ZNF783: variants seen among roughly 807,000 people sequenced by gnomAD.
The protein encoded by ZNF783 is zinc finger protein 783.
A neutral mutation model predicts 31.3 loss-of-function variants in ZNF783; 25 were observed. The observed-to-expected ratio is 0.80, with a 90% CI of 0.58 to 1.11. ZNF783 has a LOEUF of 1.11. ZNF783 is among the 50% of genes most tolerant of loss of function. The pLI is 0.00. For missense variants in ZNF783, 797 were observed against 760.0 expected, an observed-to-expected ratio of 1.05 and a Z score of -0.57; for synonymous variants, 369 against 319.1, an observed-to-expected ratio of 1.16 and a Z score of -1.66.
At chr7:149,279,565 G>C (rs1797410945) in intron 5 of ZNF783, among the ~76,000 whole-genome samples, 1 of 152,056 alleles carries the variant, frequency 6.6e-6, no homozygotes, top group Non-Finnish European at 1.5e-5. Flanking sequence ...CCAGCAGCCG[G>C]TGTTGGGAGA....
At chr7:149,263,658 A>C (rs911944846) in intron 1 of ZNF783, among the ~76,000 whole-genome samples, 8 of 152,010 alleles carry the variant, frequency 5.3e-5, no homozygotes, top group African/African-American at 1.7e-4. Flanking sequence ...CAGATTTTAG[A>C]ATCTTGGTTT....
intron 4 of ZNF783, chr7:149,276,377 AG>A: frequency 1.0e-6 from 1 of 988,628 alleles, no homozygotes; most frequent in Non-Finnish European, 1.2e-6. Context: ...GAAACTTCAG[AG>A]GATGATCCAC....
chr7:149,269,298 C>G (rs959114916), intron 4 of ZNF783, among the ~76,000 whole-genome samples: 2 of 152,124 alleles, frequency 1.3e-5, no homozygotes, highest in Non-Finnish European at 2.9e-5. Context: ...GATTTAAGTT[C>G]CTTATAGATG....
Position 149,278,502 on chromosome 7 carries a change from A to G in ZNF783, c.777A>G (p.Arg259=), listed in dbSNP as rs1167137615. Residue 259 remains arginine (R), a synonymous_variant, in exon 5 of 6, where the codon AGA becomes AGG. Transcript: ENST00000434415. ...APKQQQDSEA[R]VAPAGPEAGG... ...AGCAGCAGCAGGACTCAGAGGCGAG[A>G]GTGGCCCCAGCCGGGCCAGAAGCAG... 6.3e-7 allele frequency: 1 copy of G among 1,599,270 alleles called. No individual in the cohort carries two copies. Among genetic ancestry groups the G allele is most frequent in the Admixed American group, 1.7e-5 (1 of 60,002 alleles).
At chr7:149,265,160 C>T (rs185333353) in intron 1 of ZNF783, among the ~76,000 whole-genome samples, 295 of 152,260 alleles carry the variant, frequency 1.9e-3, no homozygotes, top group Non-Finnish European at 3.1e-3. Flanking sequence ...GGTGATTTAA[C>T]CATGAAGGAT....
Position 149,269,636 on chromosome 7 carries a change from A to G in ZNF783, c.673+2414A>G, listed in dbSNP as rs1428854222. Among the ~76,000 whole-genome samples, 9 of 152,260 alleles carry G rather than the reference A, an allele frequency of 5.9e-5. No homozygotes were observed. The East Asian group carries it at 1.5e-3, about 26-fold the overall frequency. On this transcript the variant is annotated intron_variant, in intron 4 of 5. Transcript: ENST00000434415. ...AGGGTCTAGCTTCATTCTTCTGCAC[A>G]TGTCTAGCTAGTTACCCTAGCAACA...
At position 149,281,628 on chromosome 7, in the gene ZNF783, C is replaced by T. The variant is rs1307908866; in HGVS notation, c.926C>T (p.Pro309Leu). The T allele has an allele frequency of 6.5e-7, 1 of 1,547,650 alleles. No individual in the cohort carries two copies. Among genetic ancestry groups the T allele is most frequent in the South Asian group, 1.2e-5 (1 of 83,058 alleles). ...ATCCCCCGAGGGCCCAGGAACAGGC[C>T]TGGGGGCCCCAGCCGTCATCAGGCC... is the stretch of plus-strand genomic sequence containing the variant. Reference protein sequence around the residue: ...CRIPRGPRNRPGGPSRHQAQG... With the variant: ...CRIPRGPRNRLGGPSRHQAQG... The change falls in exon 6 of 6, where the codon CCT (proline) becomes CTT (leucine). Residue 309 changes from proline to leucine, a missense_variant. Physicochemically the swap from Pro to Leu is moderately conservative, Grantham distance 98 (BLOSUM62 -3). Coordinates refer to ENST00000434415, the MANE Select transcript of ZNF783 (RefSeq NM_001195220.2).
chr7:149,263,252 GTA>G (rs952057109), intron 1 of ZNF783, among the ~76,000 whole-genome samples: 5 of 143,994 alleles, frequency 3.5e-5, no homozygotes, highest in Non-Finnish European at 7.6e-5. Flanking sequence ...AATTAAAAAA[GTA>G]TATATATATA....
intron 4 of ZNF783, among the ~76,000 whole-genome samples, chr7:149,275,301 C>T (rs1171674963): frequency 6.7e-6 from 1 of 149,374 alleles, no homozygotes; most frequent in South Asian, 2.1e-4. Context: ...TTGATGGAGG[C>T]TTTAGGTTTT....
At chr7:149,280,223 G>A (rs1020085525) in intron 5 of ZNF783, among the ~76,000 whole-genome samples, 9 of 152,270 alleles carry the variant, frequency 5.9e-5, no homozygotes, top group South Asian at 4.1e-4. Flanking sequence ...AGGGGTGGCC[G>A]GGCAGAGGCG....
intron 4 of ZNF783, among the ~76,000 whole-genome samples, chr7:149,273,112 T>C (rs1279075471): frequency 6.6e-6 from 1 of 152,004 alleles, no homozygotes; most frequent in Non-Finnish European, 1.5e-5. Context: ...TATTACTCTA[T>C]TGTGTATATG....
chr7:149,268,682 A>G (rs576024589), intron 4 of ZNF783, among the ~76,000 whole-genome samples: 4 of 152,330 alleles, frequency 2.6e-5, no homozygotes, highest in Admixed American at 6.5e-5. Flanking sequence ...GGTCCCAGTT[A>G]TAAGTGAGAA....
At chr7:149,281,443 G>A (rs939395322) in intron 5 of ZNF783, 62 bp from the exon 6 acceptor site, 14 of 1,381,960 alleles carry the variant, frequency 1.0e-5, no homozygotes, top group South Asian at 3.4e-5. Flanking sequence ...GGACTGGGCC[G>A]AGTGACCTGG....
intron 4 of ZNF783, among the ~76,000 whole-genome samples, chr7:149,277,553 G>A (rs775463177): frequency 5.9e-5 from 9 of 151,998 alleles, no homozygotes; most frequent in Non-Finnish European, 1.3e-4. Context: ...GCCTGGCCAA[G>A]ATGGTGGAAC....
In ZNF783 at chr7:149,266,656, G is replaced by A; in HGVS notation, c.346G>A (p.Val116Met). The A allele has an allele frequency of 6.2e-7, 1 of 1,614,164 alleles. No individual in the cohort carries two copies. The highest frequency in any genetic ancestry group is 8.5e-7 in the Non-Finnish European group (1 of 1,180,034). ...GCTGCTGCAGAGGCGGCTGGAGAAT[G>A]TGGAGAACTTGCTGCGCAACAGGAA... ...YGLLQRRLEN[V>M]ENLLRNRNFW... Residue 116 changes from valine (V) to methionine (M), a missense_variant, in exon 2 of 6, where the codon GTG becomes ATG. Physicochemically the swap from Val to Met is conservative, Grantham distance 21 (BLOSUM62 1). Coordinates refer to ENST00000434415, the MANE Select transcript of ZNF783 (RefSeq NM_001195220.2).
At chr7:149,277,411 CAT>C (rs1210215192) in intron 4 of ZNF783, 1 of 152,130 alleles carries the variant, frequency 6.6e-6, no homozygotes, top group Non-Finnish European at 1.5e-5. Context: ...TTTTGCTCAT[CAT>C]AGTTTTTTTC....
intron 1 of ZNF783, among the ~76,000 whole-genome samples, chr7:149,264,503 T>C (rs1373032076): frequency 6.6e-6 from 1 of 152,120 alleles, no homozygotes; most frequent in Non-Finnish European, 1.5e-5. Flanking sequence ...GTCTAGATCT[T>C]ATGCCAGGTA....
In ZNF783 at chr7:149,266,805, A is replaced by G. The variant is rs759286470; in HGVS notation, c.421-14A>G. On this transcript the variant is annotated splice_polypyrimidine_tract_variant and intron_variant, in intron 2 of 5. Coordinates refer to ENST00000434415, the MANE Select transcript of ZNF783 (RefSeq NM_001195220.2). ...GAGCGTGTGGGTGAGTGAGTGCGAC[A>G]CTTATGGTTCCAGGTGCCCGTGACC... The G allele has an allele frequency of 2.5e-6, 4 of 1,613,908 alleles. No homozygotes were observed. Among genetic ancestry groups the G allele is most frequent in the Non-Finnish European group, 2.5e-6 (3 of 1,179,984 alleles).
intron 4 of ZNF783, among the ~76,000 whole-genome samples, chr7:149,276,877 C>T (rs1324170863): frequency 6.6e-6 from 1 of 151,364 alleles, no homozygotes; most frequent in Non-Finnish European, 1.5e-5. Flanking sequence ...GAGATGGAGT[C>T]TTGCTCTGTC....
Sources: allele counts gnomAD v4.1 joint callset (sites outside exome capture counted in the v4.1 genomes callset), GRCh38; gene constraint gnomAD v4.1.1; transcripts MANE v1.5; gene names NCBI Gene and HGNC (gene_info 2026-07-23, HGNC 2026-07-21).